The following SEC24D variants were observed in gnomAD, a reference collection of about 807,000 sequenced individuals.
SEC24D encodes the protein protein transport protein Sec24D.
SEC24D carries 69 observed loss-of-function variants against 116.9 expected under a neutral mutation model. The ratio of observed to expected loss-of-function variants is 0.59; its 90% CI spans 0.49 to 0.72. The LOEUF (loss-of-function observed/expected upper bound fraction) is 0.72. Among genes scored for constraint, SEC24D ranks in the 30% least tolerant of loss-of-function variants. The pLI is 0.00. For synonymous variants in SEC24D, 405 were observed against 442.8 expected, an observed-to-expected ratio of 0.91 and a Z score of 1.07; for missense variants, 1,131 against 1,264.1, an observed-to-expected ratio of 0.89 and a Z score of 1.60.
intron 2 of SEC24D, among the ~76,000 whole-genome samples, chr4:118,832,114 A>G (rs1018278166): frequency 6.6e-5 from 10 of 152,046 alleles, no homozygotes; most frequent in Non-Finnish European, 1.3e-4. Flanking sequence ...GAGGCAGGAG[A>G]ATCACTAGAA....
At chr4:118,792,805 G>T (rs889161272) in intron 8 of SEC24D, among the ~76,000 whole-genome samples, 6 of 151,550 alleles carry the variant, frequency 4.0e-5, no homozygotes, top group African/African-American at 1.5e-4. Flanking sequence ...TTGTTCACAT[G>T]TTTATCTGCT....
At chr4:118,825,722 T>A in intron 2 of SEC24D, 2 of 394,700 alleles carry the variant, frequency 5.1e-6, no homozygotes, top group Non-Finnish European at 9.7e-6. Flanking sequence ...TTCTTCTATC[T>A]GCTGTCTCCA....
chr4:118,764,864 AGTGGTCCAGTCTTCTTCCAAT>A lies in SEC24D; in HGVS notation c.1213_1233del (p.Ile405_His411del). 6.2e-7 allele frequency: 1 copy of A among 1,611,706 alleles called. No individual in the cohort carries two copies. On this transcript the variant is annotated inframe_deletion, in exon 10 of 23. Transcript: ENST00000280551. ...CCTAGAGATAACTCTGGTTTCTCAT[AGTGGTCCAGTCTTCTTCCAAT>A]GTGGTCCAGATGTTGGAAATAGAAT...
At chr4:118,835,028 G>A (rs893229627) in intron 1 of SEC24D, among the ~76,000 whole-genome samples, 1 of 152,176 alleles carries the variant, frequency 6.6e-6, no homozygotes, top group African/African-American at 2.4e-5. Context: ...AACTGAAAAA[G>A]AGGAGAGAGG....
intron 8 of SEC24D, among the ~76,000 whole-genome samples, chr4:118,789,480 C>T (rs1008284064): frequency 1.3e-5 from 2 of 152,232 alleles, no homozygotes; most frequent in Non-Finnish European, 2.9e-5. Context: ...CCTTGACATC[C>T]ATTCCTTTTT....
At chr4:118,821,543 A>AT (rs55646078) in intron 3 of SEC24D, among the ~76,000 whole-genome samples, 6,647 of 152,328 alleles carry the variant, frequency 0.044, 199 homozygotes, top group Non-Finnish European at 0.064. Context: ...TATATTTAAA[A>AT]AGCAGTATTT....
chr4:118,814,992 TGTGA>T (rs1013411492), intron 6 of SEC24D, 32 bp downstream of exon 6: 2 of 1,604,596 alleles, frequency 1.2e-6, no homozygotes, highest in Admixed American at 1.7e-5. Context: ...AATGCTCCTT[TGTGA>T]GTGAGACTGT....
At chr4:118,767,658 C>T (rs1017541497) in intron 9 of SEC24D, among the ~76,000 whole-genome samples, 4 of 152,066 alleles carry the variant, frequency 2.6e-5, no homozygotes, top group African/African-American at 4.8e-5. Flanking sequence ...ATAATGAATA[C>T]GGGAAAGCCC....
intron 8 of SEC24D, among the ~76,000 whole-genome samples, chr4:118,773,631 C>T (rs1728008819): frequency 6.6e-6 from 1 of 152,166 alleles, no homozygotes; most frequent in South Asian, 2.1e-4. Flanking sequence ...AACAACTACC[C>T]TTTAAAAATG....
At chr4:118,778,393 G>A (rs1430887567) in intron 8 of SEC24D, among the ~76,000 whole-genome samples, 1 of 152,116 alleles carries the variant, frequency 6.6e-6, no homozygotes, top group Non-Finnish European at 1.5e-5. Flanking sequence ...TTTTTGTTAG[G>A]TTTGTCAAAG....
intron 8 of SEC24D, among the ~76,000 whole-genome samples, chr4:118,772,924 T>C (rs28651948): frequency 0.024 from 3,636 of 152,118 alleles, 149 homozygotes; most frequent in African/African-American, 0.082. Flanking sequence ...CCACCCACAC[T>C]CAGAACATTG....
intron 8 of SEC24D, among the ~76,000 whole-genome samples, chr4:118,787,778 G>A (rs1728718399): frequency 6.6e-6 from 1 of 152,132 alleles, no homozygotes; most frequent in Non-Finnish European, 1.5e-5. Flanking sequence ...CCGTACTCCA[G>A]CCTGGGTCAA....
Position 118,773,809 on chromosome 4 carries a change from A to C in SEC24D, c.1042-5498T>G, listed in dbSNP as rs1171775548. Among the ~76,000 whole-genome samples the C allele has an allele frequency of 3.3e-5, 5 of 152,214 alleles. 1 individual carries two copies. Among genetic ancestry groups the C allele is most frequent in the Admixed American group, 3.3e-4 (5 of 15,262 alleles). Reference sequence around the variant, plus strand: ...CAGCTTATATGTGCTTTCTACTTTTAGCTTTACTGTATATGACATTTACCT... The same window carrying C: ...CAGCTTATATGTGCTTTCTACTTTTCGCTTTACTGTATATGACATTTACCT... On this transcript the variant is annotated intron_variant, in intron 8 of 22. Transcript: ENST00000280551.
intron 9 of SEC24D, 41 bp from the exon 10 acceptor site, chr4:118,764,958 T>G (rs778937444): frequency 8.9e-7 from 1 of 1,120,636 alleles, no homozygotes; most frequent in African/African-American, 1.5e-5. Flanking sequence ...TTTGTTTTCA[T>G]AAACACAGAC....
At chr4:118,726,552 G>A (rs1365295546) in intron 22 of SEC24D, among the ~76,000 whole-genome samples, 1 of 152,086 alleles carries the variant, frequency 6.6e-6, no homozygotes, top group Non-Finnish European at 1.5e-5. Context: ...GAATGAATGA[G>A]GAAAGGGAAG....
rs745751698 is a variant in SEC24D at position 118,728,579 on chromosome 4, CTTTTG to C, written c.2935_2939del (p.Gln979GlufsTer52). 1 of 1,602,982 alleles carries C rather than the reference CTTTTG, an allele frequency of 6.2e-7. No homozygotes were observed. Among genetic ancestry groups the C allele is most frequent in the East Asian group, 2.2e-5 (1 of 44,708 alleles). ...TTCTTACCTTCATTGAATATGGCCT[CTTTTG>C]TTGGATAATACCCATTATCATTCTG... On this transcript the variant is annotated frameshift_variant, in exon 22 of 23. Transcript: ENST00000280551. LOFTEE classifies it high-confidence loss of function.
At chr4:118,777,971 A>C (rs1728226199) in intron 8 of SEC24D, among the ~76,000 whole-genome samples, 1 of 151,802 alleles carries the variant, frequency 6.6e-6, no homozygotes, top group African/African-American at 2.4e-5. Flanking sequence ...TTTTCTTGTA[A>C]ATTTGTTTAA....
intron 18 of SEC24D, among the ~76,000 whole-genome samples, chr4:118,738,722 T>A (rs1359136215): frequency 6.6e-6 from 1 of 152,220 alleles, no homozygotes; most frequent in Non-Finnish European, 1.5e-5. Flanking sequence ...AACTTTAGTG[T>A]AGAATTTCTC....
At chr4:118,726,811 T>C (rs1398763738) in intron 22 of SEC24D, among the ~76,000 whole-genome samples, 6 of 152,162 alleles carry the variant, frequency 3.9e-5, no homozygotes, top group Non-Finnish European at 7.3e-5. Flanking sequence ...GAGAATAATC[T>C]GACAATAAGG....
Sources: gnomAD v4.1 joint callset for allele counts (sites outside exome capture counted in the v4.1 genomes callset) on GRCh38, gnomAD v4.1.1 for gene constraint, MANE v1.5 for transcripts, NCBI Gene and HGNC (gene_info 2026-07-23, HGNC 2026-07-21) for gene names.